PCDHGB4: variants seen among roughly 807,000 people sequenced by gnomAD.
PCDHGB4 encodes protocadherin gamma-B4.
In PCDHGB4, 38 loss-of-function variants were observed where a neutral mutation model predicts 60.5. The observed-to-expected ratio is 0.63, with a 90% confidence interval of 0.48 to 0.82. The LOEUF is 0.82. Among genes scored for constraint, PCDHGB4 ranks in the 40% least tolerant of loss-of-function variants. The pLI, the probability that PCDHGB4 is intolerant of heterozygous loss-of-function variation, is 0.00. For synonymous variants in PCDHGB4, 456 were observed against 509.7 expected (o/e 0.89, Z 1.42); for missense variants, 1,109 against 1,209.6 (o/e 0.92, Z 1.23).
intron 2 of PCDHGB4, among the ~76,000 whole-genome samples, chr5:141,504,369 A>G (rs968327872): frequency 6.6e-5 from 10 of 152,272 alleles, no homozygotes; most frequent in Non-Finnish European, 1.2e-4. Context: ...AGTAGGAAGC[A>G]GGTGGAGTCG....
rs751905674 is a variant in PCDHGB4, at chr5:141,408,643, C to A, written c.2397+18362C>A. On this transcript the variant is annotated intron_variant, in intron 1 of 3. Coordinates refer to ENST00000519479, the MANE Select transcript of PCDHGB4 (RefSeq NM_003736.4). ...ATTTAGAAATTTTCGAATCTGCATCCGCTGGTACACGACTATCGCTTGACC... is the reference window on the plus strand; with the variant it reads ...ATTTAGAAATTTTCGAATCTGCATCAGCTGGTACACGACTATCGCTTGACC... 13 of 1,613,792 alleles carry A rather than the reference C, an allele frequency of 8.1e-6. No homozygotes were observed. The African/African-American group carries it at 1.6e-4, about 20-fold the overall frequency.
At chr5:141,482,089 C>CA (rs36035257) in intron 1 of PCDHGB4, among the ~76,000 whole-genome samples, 13,509 of 134,292 alleles carry the variant, frequency 0.1, 910 homozygotes, top group African/African-American at 0.2. Context: ...CACTCCATCT[C>CA]AAAAAAAAAA....
intron 1 of PCDHGB4, among the ~76,000 whole-genome samples, chr5:141,462,769 G>T (rs1462290112): frequency 6.6e-6 from 1 of 151,956 alleles, no homozygotes; most frequent in African/African-American, 2.4e-5. Flanking sequence ...TCCTGGCTTG[G>T]GGTCATAATT....
At chr5:141,412,163 T>G (rs1005929326) in intron 1 of PCDHGB4, 13 of 152,240 alleles carry the variant, frequency 8.5e-5, no homozygotes, top group African/African-American at 2.9e-4. Flanking sequence ...GAGAAGAGAT[T>G]ATTTATACTG....
Position 141,511,253 on chromosome 5 carries a change from A to G in PCDHGB4, c.*80A>G. The G allele has an allele frequency of 1.3e-6, 2 of 1,568,402 alleles. No homozygotes were observed. The highest frequency in any genetic ancestry group is 1.7e-6 in the Non-Finnish European group (2 of 1,157,066). On this transcript the variant is annotated 3_prime_UTR_variant, in exon 4 of 4. Coordinates refer to ENST00000519479, the MANE Select transcript of PCDHGB4 (RefSeq NM_003736.4). ...CTCCTTACCTGCACCCAGGCCTCAG[A>G]GTTTCAGGGCTAACCCCCAGAATAC...
At chr5:141,449,658 C>T (rs1413506303) in intron 1 of PCDHGB4, among the ~76,000 whole-genome samples, 5 of 149,582 alleles carry the variant, frequency 3.3e-5, no homozygotes, top group Admixed American at 3.3e-4. Flanking sequence ...TTTACATACA[C>T]ACCCAAGTGT....
chr5:141,422,556 G>T, intron 1 of PCDHGB4: 1 of 1,613,908 alleles, frequency 6.2e-7, no homozygotes, highest in South Asian at 1.1e-5. Context: ...GGCTGAATGT[G>T]GCAGATGACA....
At chr5:141,418,667 G>A (rs1561775322) in intron 1 of PCDHGB4, 1 of 1,614,036 alleles carries the variant, frequency 6.2e-7, no homozygotes, top group Admixed American at 1.7e-5. Flanking sequence ...CACTGACCAG[G>A]ACGAGGGCAT....
intron 1 of PCDHGB4, chr5:141,415,400 C>T (rs754292889): frequency 2.5e-6 from 4 of 1,614,228 alleles, no homozygotes; most frequent in South Asian, 1.1e-5. Flanking sequence ...GTGTCCGGCT[C>T]GCACTTTGTG....
In PCDHGB4 at chr5:141,400,695, G is replaced by A. The variant is rs187552551; in HGVS notation, c.2397+10414G>A. On this transcript the variant is annotated intron_variant, in intron 1 of 3. Transcript: ENST00000519479. The stretch of plus-strand genomic sequence containing the variant: ...GCAGTAAATTGTGAGTTTTTATGTC[G>A]CATAAAAGAAGTAGCCTTATAGATT... 1.8e-5 allele frequency: 14 copies of A among 759,510 alleles called. No homozygotes were observed. The Admixed American group carries it at 4.0e-4, about 22-fold the overall frequency. The allele number at this position is 759,510 out of a possible 1,614,324, so 47.0% of individuals were successfully genotyped here.
rs779981011 is a variant in PCDHGB4 at position 141,395,287 on chromosome 5, G to T, written c.2397+5006G>T. 11 of 1,533,118 alleles carry T rather than the reference G, an allele frequency of 7.2e-6. No homozygotes were observed. The South Asian group carries it at 1.3e-4, about 18-fold the overall frequency. 95.0% of individuals were successfully genotyped at this position (1,533,118 alleles called of 1,614,324 possible). A position where few individuals can be genotyped will look rare whatever the true frequency, so the allele number is the denominator to read the frequency against. On this transcript the variant is annotated intron_variant, in intron 1 of 3. Transcript: ENST00000519479. ...TTAATTTCCAGATGAATTTTATTTG[G>T]CATAAATTATGTTTTGAAAAACATT...
chr5:141,447,161 C>T (rs1432238455), intron 1 of PCDHGB4, among the ~76,000 whole-genome samples: 1 of 151,728 alleles, frequency 6.6e-6, no homozygotes, highest in East Asian at 1.9e-4. Flanking sequence ...TTTGTTTAAG[C>T]GGGGTCTTGC....
rs1031624761 is a variant in PCDHGB4 at position 141,433,138 on chromosome 5, G to A, written c.2397+42857G>A. The A allele has an allele frequency of 2.5e-6, 4 of 1,614,038 alleles. No individual in the cohort carries two copies. In the Admixed American group the frequency reaches 6.7e-5, roughly 27 times the overall value. On this transcript the variant is annotated intron_variant, in intron 1 of 3. Coordinates refer to ENST00000519479, the MANE Select transcript of PCDHGB4 (RefSeq NM_003736.4). ...TTGAAAAAAGCGAGCCCCTTTTGCT[G>A]TCAGGTGATTCGGTATTTTCTAAAG...
chr5:141,498,104 C>T (rs530844708), intron 2 of PCDHGB4, among the ~76,000 whole-genome samples: 2 of 152,106 alleles, frequency 1.3e-5, no homozygotes, highest in African/African-American at 4.8e-5. Context: ...GTGGTGTGGG[C>T]GTATAATAGG....
chr5:141,462,668 T>C (rs778396861), intron 1 of PCDHGB4, among the ~76,000 whole-genome samples: 10 of 152,232 alleles, frequency 6.6e-5, no homozygotes, highest in Non-Finnish European at 1.5e-4. Flanking sequence ...CTTCATATTT[T>C]TCTTTAAATT....
intron 1 of PCDHGB4, 161 bp from the exon 2 acceptor site, chr5:141,494,646 T>C (rs1324048407): frequency 1.1e-6 from 1 of 935,836 alleles, no homozygotes; most frequent in East Asian, 1.2e-4. Flanking sequence ...AGACCTGAGG[T>C]GTATTTTGTC....
At chr5:141,509,599 A>G (rs964564148) in intron 3 of PCDHGB4, among the ~76,000 whole-genome samples, 6 of 152,158 alleles carry the variant, frequency 3.9e-5, no homozygotes, top group African/African-American at 1.4e-4. Context: ...CAATTCCGAG[A>G]GGCTGCATTC....
In PCDHGB4 at chr5:141,388,875, G is replaced by C; in HGVS notation, c.991G>C (p.Val331Leu). 1 of 1,614,024 alleles carries C rather than the reference G, an allele frequency of 6.2e-7. No individual in the cohort carries two copies. The highest frequency in any genetic ancestry group is 8.5e-7 in the Non-Finnish European group (1 of 1,179,874). ...DGGGMIAQCT[V>L]EVEVIDENDN... is the part of the protein sequence containing the mutation. ...TGGAGGAATGATTGCGCAATGCACA[G>C]TGGAGGTAGAAGTCATAGATGAAAA... The change falls in exon 1 of 4, where the codon GTG (valine) becomes CTG (leucine). Residue 331 changes from valine to leucine, a missense_variant. By Grantham distance (32) the Val-to-Leu change is conservative. Transcript: ENST00000519479.
At chr5:141,404,186 C>G in intron 1 of PCDHGB4, 1 of 1,613,086 alleles carries the variant, frequency 6.2e-7, no homozygotes, top group Non-Finnish European at 8.5e-7. Flanking sequence ...AATTCTTGAC[C>G]GAGAAAAAGC....
Sources: gnomAD v4.1 joint callset for allele counts (sites outside exome capture counted in the v4.1 genomes callset) on GRCh38, gnomAD v4.1.1 for gene constraint, MANE v1.5 for transcripts, NCBI Gene and HGNC (gene_info 2026-07-23, HGNC 2026-07-21) for gene names.